The following ARAP2 variants were observed in gnomAD, a reference collection of about 807,000 sequenced individuals.
ARAP2 encodes ArfGAP with RhoGAP domain, ankyrin repeat and PH domain 2.
Under a neutral mutation model 194.5 loss-of-function variants are expected in ARAP2, and 148 were observed. The ratio of observed to expected loss-of-function variants is 0.76; its 90% confidence interval spans 0.67 to 0.87. The LOEUF is 0.87. Ranked by LOEUF, ARAP2 falls within the 40% of genes least tolerant of loss-of-function variation. The probability of loss-of-function intolerance (pLI) is 0.00; values close to 1 mark genes in which losing one functional copy is unlikely to be tolerated. For synonymous variants in ARAP2, 695 were observed against 683.5 expected (o/e 1.02, Z -0.26); for missense variants, 2,128 against 1,989.7 (o/e 1.07, Z -1.32).
intron 3 of ARAP2, among the ~76,000 whole-genome samples, chr4:36,049,228 A>T (rs1216634232): frequency 6.6e-6 from 1 of 152,172 alleles, no homozygotes; most frequent in Admixed American, 6.5e-5. Context: ...ATTAAAGCTT[A>T]AGTTGACAAA....
At chr4:36,177,496 G>T (rs904440077) in intron 9 of ARAP2, among the ~76,000 whole-genome samples, 56 of 152,142 alleles carry the variant, frequency 3.7e-4, no homozygotes, top group African/African-American at 1.2e-3. Context: ...ATCAACAGCT[G>T]TAAGGGTTCA....
intron 8 of ARAP2, among the ~76,000 whole-genome samples, chr4:36,185,986 A>C (rs1740474438): frequency 6.6e-6 from 1 of 152,052 alleles, no homozygotes; most frequent in Admixed American, 6.6e-5. Context: ...CTCAAAAAAA[A>C]AAAAGGATAA....
chr4:36,242,827 C>A (rs1216475441), intron 1 of ARAP2, among the ~76,000 whole-genome samples: 1 of 152,176 alleles, frequency 6.6e-6, no homozygotes, highest in African/African-American at 2.4e-5. Flanking sequence ...AACAAGCTCT[C>A]TCACTTACCC....
intron 24 of ARAP2, among the ~76,000 whole-genome samples, chr4:36,119,232 T>G (rs1722103003): frequency 6.6e-6 from 1 of 151,516 alleles, no homozygotes; most frequent in Non-Finnish European, 1.5e-5. Flanking sequence ...TACAATCATA[T>G]GAAAGCATGC....
chr4:36,185,978 C>CAAAAAA (rs1054588041), intron 8 of ARAP2, among the ~76,000 whole-genome samples: 1 of 135,152 alleles, frequency 7.4e-6, no homozygotes, highest in Non-Finnish European at 1.6e-5. Flanking sequence ...AACTCTGTCT[C>CAAAAAA]AAAAAAAAAA....
chr4:36,168,830 T>A (rs1735906857), intron 9 of ARAP2, among the ~76,000 whole-genome samples: 1 of 152,222 alleles, frequency 6.6e-6, no homozygotes, highest in East Asian at 1.9e-4. Flanking sequence ...ATACTTCCAC[T>A]TTGTATAGTA....
chr4:36,099,296 T>G (rs1053570032), intron 27 of ARAP2, among the ~76,000 whole-genome samples: 3 of 152,168 alleles, frequency 2.0e-5, no homozygotes, highest in Non-Finnish European at 4.4e-5. Flanking sequence ...CTTTATCCAG[T>G]CTATCGTTGA....
intron 19 of ARAP2, 51 bp downstream of exon 19, chr4:36,147,245 C>A (rs1729847396): frequency 1.3e-6 from 2 of 1,521,520 alleles, no homozygotes; most frequent in South Asian, 1.2e-5. Flanking sequence ...AAACAAAATC[C>A]CGCTGCCCAG....
intron 5 of ARAP2, among the ~76,000 whole-genome samples, chr4:36,034,758 GT>G (rs1379299019): frequency 6.6e-6 from 1 of 152,064 alleles, no homozygotes; most frequent in Non-Finnish European, 1.5e-5. Flanking sequence ...GTATTTTGAG[GT>G]ATGTTCTTTC....
At chr4:36,114,560 C>T (rs138843297) in intron 25 of ARAP2, among the ~76,000 whole-genome samples, 1 of 152,050 alleles carries the variant, frequency 6.6e-6, no homozygotes, top group East Asian at 1.9e-4. Context: ...AAAGAATGTA[C>T]CTAATTACAT....
exon 3 of ARAP2, chr4:36,052,035 C>G (rs561585621): frequency 6.6e-6 from 1 of 152,292 alleles, no homozygotes; most frequent in South Asian, 2.1e-4. Flanking sequence ...CTAGCGCTTG[C>G]TGTTAGAACA....
chr4:36,241,912 C>T (rs1241415847), intron 1 of ARAP2, among the ~76,000 whole-genome samples: 9 of 152,140 alleles, frequency 5.9e-5, no homozygotes, highest in Non-Finnish European at 8.8e-5. Context: ...CCTTTGTTTT[C>T]TCTGCAGCAT....
intron 2 of ARAP2, among the ~76,000 whole-genome samples, chr4:36,224,879 G>A (rs986694502): frequency 6.6e-6 from 1 of 152,052 alleles, no homozygotes; most frequent in Admixed American, 6.6e-5. Flanking sequence ...TGAAAATGAA[G>A]GATATCCTTC....
intron 9 of ARAP2, among the ~76,000 whole-genome samples, chr4:36,008,281 A>C (rs1276512038): frequency 6.6e-6 from 1 of 152,118 alleles, no homozygotes; most frequent in Non-Finnish European, 1.5e-5. Context: ...ACATTACCTG[A>C]CTTCAGCCTA....
chr4:36,043,867 A>AGGGGAAG (rs1721357643), intron 5 of ARAP2, among the ~76,000 whole-genome samples: 2 of 117,160 alleles, frequency 1.7e-5, no homozygotes, highest in African/African-American at 3.2e-5. Context: ...GGGGAGGGGA[A>AGGGGAAG]GGGAAGGGAA....
intron 30 of ARAP2, among the ~76,000 whole-genome samples, chr4:36,081,606 T>C (rs149222264): frequency 2.0e-4 from 31 of 152,122 alleles, no homozygotes; most frequent in African/African-American, 7.5e-4. Flanking sequence ...TGGTACAGCA[T>C]AGAAAATACT....
chr4:36,158,997 A>G (rs762593194), intron 14 of ARAP2, 133 bp from the exon 15 acceptor site: 23 of 867,932 alleles, frequency 2.6e-5, no homozygotes, highest in Non-Finnish European at 3.6e-5. Flanking sequence ...TTACAGAGAT[A>G]CTTATTTTAC....
chr4:36,080,847 C>T (rs1322856291), intron 30 of ARAP2, among the ~76,000 whole-genome samples: 1 of 152,092 alleles, frequency 6.6e-6, no homozygotes, highest in Non-Finnish European at 1.5e-5. Flanking sequence ...CTCCTGTAGT[C>T]TATTAGGGGA....
At chr4:36,172,213 G>A (rs1055877478) in intron 9 of ARAP2, among the ~76,000 whole-genome samples, 5 of 152,206 alleles carry the variant, frequency 3.3e-5, no homozygotes, top group Admixed American at 2.6e-4. Flanking sequence ...CACTGCAAGG[G>A]TGGTACAATG....
Sources: gnomAD v4.1 joint callset for allele counts (sites outside exome capture counted in the v4.1 genomes callset) on GRCh38, gnomAD v4.1.1 for gene constraint, MANE v1.5 for transcripts, NCBI Gene and HGNC (gene_info 2026-07-23, HGNC 2026-07-21) for gene names.